SPTLC1: variants seen among roughly 807,000 people sequenced by gnomAD.
SPTLC1 encodes serine palmitoyltransferase 1.
A neutral mutation model predicts 68.9 loss-of-function variants in SPTLC1; 55 were observed. The observed-to-expected ratio is 0.80, with a 90% CI of 0.64 to 1.00. The LOEUF (loss-of-function observed/expected upper bound fraction) is 1.00, where lower values mean the gene tolerates loss of function less well. SPTLC1 is among the 50% of genes least tolerant of loss of function. The pLI, the probability that SPTLC1 is intolerant of heterozygous loss-of-function variation, is 0.00. For missense variants in SPTLC1, 449 were observed against 573.1 expected (o/e 0.78, Z 2.21); for synonymous variants, 197 against 201.6 (o/e 0.98, Z 0.19).
intron 3 of SPTLC1, among the ~76,000 whole-genome samples, chr9:92,093,509 CA>C (rs1835438006): frequency 6.6e-6 from 1 of 152,140 alleles, no homozygotes. Flanking sequence ...ACACTGTTAT[CA>C]GCAGGTGATA....
chr9:92,096,371 A>ATG (rs894399985), intron 3 of SPTLC1, among the ~76,000 whole-genome samples: 8 of 151,920 alleles, frequency 5.3e-5, no homozygotes, highest in Non-Finnish European at 5.9e-5. Flanking sequence ...TTATTTCACA[A>ATG]TGTGTGTGTG....
intron 6 of SPTLC1, among the ~76,000 whole-genome samples, chr9:92,065,266 T>C (rs941594375): frequency 2.0e-5 from 3 of 152,236 alleles, no homozygotes; most frequent in Non-Finnish European, 4.4e-5. Context: ...AGCCCCACTA[T>C]TGGCAAAGCA....
chr9:92,087,357 T>C (rs1263284289), intron 3 of SPTLC1, among the ~76,000 whole-genome samples: 9 of 152,230 alleles, frequency 5.9e-5, no homozygotes, highest in African/African-American at 9.7e-5. Flanking sequence ...CTCTGTTTTT[T>C]CCCCATCTTT....
At chr9:92,054,414 C>G (rs1010806069) in intron 8 of SPTLC1, among the ~76,000 whole-genome samples, 1 of 152,208 alleles carries the variant, frequency 6.6e-6, no homozygotes, top group African/African-American at 2.4e-5. Flanking sequence ...CATGGGTACT[C>G]ACTACCAAGA....
intron 8 of SPTLC1, chr9:92,053,832 C>T (rs1833791787): frequency 1.9e-6 from 1 of 523,400 alleles, no homozygotes; most frequent in East Asian, 1.5e-4. Flanking sequence ...GGTTTTTGAC[C>T]TAAAGTTGAT....
At chr9:92,112,620 T>G in intron 1 of SPTLC1, 58 bp from the exon 2 acceptor site, 3 of 1,073,632 alleles carry the variant, frequency 2.8e-6, no homozygotes, top group Non-Finnish European at 4.3e-6. Context: ...CACCTGCACA[T>G]AAAATTTACT....
In SPTLC1 at chr9:92,055,454, A is replaced by G. The variant is rs149938935; in HGVS notation, c.731T>C (p.Val244Ala). ...TCCAGTATTCATATACAATCCTTCT[A>G]CTACAATGAAACGCCGAGTTACACG... ...KARVTRRFIV[V>A]EGLYMNTGTI... is the part of the protein sequence containing the mutation. The change falls in exon 8 of 15, where the codon GTA becomes GCA. Residue 244 changes from valine (V) to alanine (A), a missense_variant. Coordinates refer to ENST00000262554, the MANE Select transcript of SPTLC1 (RefSeq NM_006415.4). 3.1e-6 allele frequency: 5 copies of G among 1,613,684 alleles called. No homozygotes were observed. The African/African-American group carries it at 6.7e-5, about 22-fold the overall frequency.
At chr9:92,051,252 T>C (rs930230543) in intron 8 of SPTLC1, 6 of 984,712 alleles carry the variant, frequency 6.1e-6, no homozygotes, top group Admixed American at 6.2e-5. Context: ...TTATTTTGAA[T>C]CCTTATTCAA....
intron 6 of SPTLC1, 103 bp downstream of exon 6, chr9:92,067,863 C>A: frequency 7.2e-7 from 1 of 1,382,132 alleles, no homozygotes; most frequent in South Asian, 1.2e-5. Context: ...AAACAAAAAG[C>A]AGCATTATTT....
intron 8 of SPTLC1, among the ~76,000 whole-genome samples, chr9:92,053,476 G>C (rs1468416258): frequency 6.6e-6 from 1 of 152,232 alleles, no homozygotes; most frequent in Admixed American, 6.5e-5. Context: ...GTTCACAACA[G>C]CACTATTTGC....
At chr9:92,073,334 G>A (rs1373098433) in intron 5 of SPTLC1, among the ~76,000 whole-genome samples, 1 of 152,192 alleles carries the variant, frequency 6.6e-6, no homozygotes, top group Non-Finnish European at 1.5e-5. Flanking sequence ...TTATGCTGAT[G>A]ACTGCTGGCG....
intron 13 of SPTLC1, among the ~76,000 whole-genome samples, chr9:92,037,291 C>T (rs1564080328): frequency 6.6e-6 from 1 of 152,214 alleles, no homozygotes; most frequent in Non-Finnish European, 1.5e-5. Context: ...GCCATTATGA[C>T]CCCAGAAACC....
chr9:92,085,028 T>C (rs1400109586), intron 3 of SPTLC1, among the ~76,000 whole-genome samples: 2 of 151,922 alleles, frequency 1.3e-5, no homozygotes, highest in Non-Finnish European at 2.9e-5. Flanking sequence ...TTTATTTGCG[T>C]AGAGGTGTTT....
At chr9:92,053,102 T>C (rs934118875) in intron 8 of SPTLC1, among the ~76,000 whole-genome samples, 1 of 147,732 alleles carries the variant, frequency 6.8e-6, no homozygotes. Context: ...TCTCCAAAGG[T>C]ATACGCATGG....
intron 3 of SPTLC1, among the ~76,000 whole-genome samples, chr9:92,101,561 C>CAAAAAAAAAAAAA (rs61125464): frequency 4.4e-5 from 2 of 45,966 alleles, no homozygotes; most frequent in African/African-American, 8.7e-5. Flanking sequence ...GACTCCGTCT[C>CAAAAAAAAAAAAA]AAAAAAAAAA....
At chr9:92,063,018 T>C (rs115146104) in intron 6 of SPTLC1, among the ~76,000 whole-genome samples, 2,668 of 151,804 alleles carry the variant, frequency 0.018, 68 homozygotes, top group African/African-American at 0.06. Flanking sequence ...CAGGAAATAA[T>C]AGGAGAAATC....
intron 6 of SPTLC1, among the ~76,000 whole-genome samples, chr9:92,064,783 C>G (rs975672020): frequency 6.6e-6 from 1 of 152,076 alleles, no homozygotes; most frequent in Non-Finnish European, 1.5e-5. Context: ...CAAAAGGAAC[C>G]AACTCTGGAT....
At chr9:92,065,791 C>T (rs893008472) in intron 6 of SPTLC1, among the ~76,000 whole-genome samples, 3 of 149,584 alleles carry the variant, frequency 2.0e-5, no homozygotes, top group Non-Finnish European at 2.9e-5. Flanking sequence ...TTTATGGTCA[C>T]ATTAGTATAC....
chr9:92,067,786 G>A lies in SPTLC1; in HGVS notation c.560+180C>T, dbSNP rs531600495. Among the ~76,000 whole-genome samples, 8 of 152,276 alleles carry A rather than the reference G, an allele frequency of 5.3e-5. No individual in the cohort carries two copies. The South Asian group carries it at 1.0e-3, about 20-fold the overall frequency. On this transcript the variant is annotated intron_variant, in intron 6 of 14. Transcript: ENST00000262554. ...TGGCAGATAAATGACTATAGACACC[G>A]TTAAGCATCTTTTAAGTGAAGGTTT... is the stretch of plus-strand genomic sequence containing the variant.
Sources: gnomAD v4.1 joint callset for allele counts (sites outside exome capture counted in the v4.1 genomes callset) on GRCh38, gnomAD v4.1.1 for gene constraint, MANE v1.5 for transcripts, NCBI Gene and HGNC (gene_info 2026-07-23, HGNC 2026-07-21) for gene names.